The following SETD2 variants were observed in gnomAD, a reference collection of about 807,000 sequenced individuals.
The protein encoded by SETD2 is histone-lysine N-methyltransferase SETD2.
Under a neutral mutation model 242.1 loss-of-function variants are expected in SETD2, and 31 were observed. That is an observed-to-expected ratio of 0.13 (90% CI 0.10 to 0.17). The LOEUF (loss-of-function observed/expected upper bound fraction) is 0.17. SETD2 is among the 10% of genes least tolerant of loss of function. SETD2 has a pLI of 1.00. For missense variants in SETD2, 2,481 were observed against 3,046.3 expected (o/e 0.81, Z 4.37); for synonymous variants, 1,006 against 1,066.5 (o/e 0.94, Z 1.11).
intron 3 of SETD2, among the ~76,000 whole-genome samples, chr3:47,118,700 C>T (rs1413525823): frequency 6.6e-6 from 1 of 151,648 alleles, no homozygotes; most frequent in South Asian, 2.1e-4. Flanking sequence ...TATATAAATC[C>T]TTCCCACTGC....
At position 47,037,282 on chromosome 3, in the gene SETD2, C is replaced by T. The variant is rs553060575; in HGVS notation, c.7350+384G>A. On this transcript the variant is annotated intron_variant, in intron 18 of 20. Coordinates refer to ENST00000409792, the MANE Select transcript of SETD2 (RefSeq NM_014159.7). ...TCTCCTAATGCTATCCCTCCCCCCT[C>T]CCCCCCACCCCACAACAGTCCCCAG... Among the ~76,000 whole-genome samples the T allele has an allele frequency of 1.6e-3, 164 of 104,666 alleles. 2 individuals carry two copies. Among genetic ancestry groups the T allele is most frequent in the African/African-American group, 5.0e-3 (147 of 29,690 alleles). The allele number at this position is 104,666 out of a possible 152,430, so 68.7% of individuals were successfully genotyped here.
intron 15 of SETD2, among the ~76,000 whole-genome samples, chr3:47,054,378 A>C (rs554711884): frequency 6.6e-6 from 1 of 152,298 alleles, no homozygotes; most frequent in South Asian, 2.1e-4. Context: ...TCTTTAATGG[A>C]TATCTTTCAT....
chr3:47,022,193 TCACACACACACACACACA>T (rs55972218), intron 18 of SETD2, among the ~76,000 whole-genome samples: 9 of 130,948 alleles, frequency 6.9e-5, no homozygotes, highest in African/African-American at 8.8e-5. Context: ...CAACAATCTG[TCACACACACACACACACA>T]CACACACACA....
rs2107638889 is a variant in SETD2, at chr3:47,083,981, CAGCTGTTGTGGGAGT to C, written c.5784_5798del (p.Leu1929_Leu1933del). 2 of 1,614,142 alleles carry C rather than the reference CAGCTGTTGTGGGAGT, an allele frequency of 1.2e-6. No homozygotes were observed. The highest frequency in any genetic ancestry group is 1.7e-6 in the Non-Finnish European group (2 of 1,180,030). ...TTTCACTATCAACTTTGCATTCAGG[CAGCTGTTGTGGGAGT>C]AGCTGTTGTGACTGCAATTCTTCCT... On this transcript the variant is annotated inframe_deletion, in exon 12 of 21. Transcript: ENST00000409792.
chr3:47,126,505 A>G (rs1318465591), intron 2 of SETD2, 143 bp downstream of exon 2: 3 of 491,696 alleles, frequency 6.1e-6, no homozygotes, highest in Non-Finnish European at 7.2e-6. Flanking sequence ...CCATGGCTCT[A>G]AAAACAAAAT....
chr3:47,087,867 G>T (rs535950162), intron 10 of SETD2, among the ~76,000 whole-genome samples: 1 of 84,336 alleles, frequency 1.2e-5, no homozygotes, highest in South Asian at 3.5e-4. Context: ...TACTCAGGAC[G>T]CTGAGGCAGA....
At chr3:47,031,415 C>T (rs990520174) in intron 18 of SETD2, among the ~76,000 whole-genome samples, 3 of 152,140 alleles carry the variant, frequency 2.0e-5, no homozygotes, top group African/African-American at 7.2e-5. Flanking sequence ...CAAAACAGAA[C>T]TAAAATTGCT....
rs559843303 is a variant in SETD2 at position 47,019,875 on chromosome 3, A to C, written c.7351-35T>G. On this transcript the variant is annotated intron_variant, in intron 18 of 20. Transcript: ENST00000409792. ...GAGGAGAAAACACAGTGGTGCTGGCATGAGAAGTCAGTTTAGTGATGCCCT... is the reference window on the plus strand; with the variant it reads ...GAGGAGAAAACACAGTGGTGCTGGCCTGAGAAGTCAGTTTAGTGATGCCCT... 3.2e-6 allele frequency: 5 copies of C among 1,575,160 alleles called. No individual in the cohort carries two copies. The South Asian group carries it at 4.4e-5, about 14-fold the overall frequency.
intron 12 of SETD2, among the ~76,000 whole-genome samples, chr3:47,072,067 G>C (rs1220471220): frequency 6.6e-6 from 1 of 152,124 alleles, no homozygotes; most frequent in African/African-American, 2.4e-5. Flanking sequence ...CCAGCACTTT[G>C]GGAGGCCGAG....
intron 9 of SETD2, among the ~76,000 whole-genome samples, chr3:47,089,508 A>T (rs2041707766): frequency 6.6e-6 from 1 of 152,232 alleles, no homozygotes; most frequent in African/African-American, 2.4e-5. Context: ...GGTAGGGAGA[A>T]GGAAGCAGAG....
chr3:47,074,173 T>C (rs1426352223), intron 12 of SETD2, among the ~76,000 whole-genome samples: 1 of 152,196 alleles, frequency 6.6e-6, no homozygotes, highest in Non-Finnish European at 1.5e-5. Flanking sequence ...TGATATCAAG[T>C]AATCTTCACA....
intron 14 of SETD2, among the ~76,000 whole-genome samples, chr3:47,058,476 A>C (rs1245122200): frequency 7.3e-6 from 1 of 136,068 alleles, no homozygotes; most frequent in Non-Finnish European, 1.6e-5. Flanking sequence ...ACAAAGAGGG[A>C]GAATATTCAC....
rs746404627 is a variant in SETD2 at position 47,057,170 on chromosome 3, T to C, written c.6614A>G (p.His2205Arg). Reference protein sequence around the residue: ...DPVCSPAPYDHAQPLVGHSTE... With the variant: ...DPVCSPAPYDRAQPLVGHSTE... ...AGAATGTCCCACCAAGGGCTGAGCA[T>C]GATCATAAGGAGCAGGAGAACACAC... The change falls in exon 15 of 21, where the codon CAT becomes CGT. Residue 2205 changes from histidine (H) to arginine (R), a missense_variant. Transcript: ENST00000409792. 1.6e-5 allele frequency: 26 copies of C among 1,614,022 alleles called. No homozygotes were observed. The highest frequency in any genetic ancestry group is 5.0e-5 in the Admixed American group (3 of 59,986).
At chr3:47,044,344 C>CAAAAAAAAAAAAAAAAAAAAAAA (rs59408277) in intron 16 of SETD2, among the ~76,000 whole-genome samples, 5 of 33,948 alleles carry the variant, frequency 1.5e-4, no homozygotes, top group African/African-American at 5.7e-4. Context: ...GACTTCATCT[C>CAAAAAAAAAAAAAAAAAAAAAAA]AAAAAAAAAA....
rs551388895 is a variant in SETD2 at position 47,158,442 on chromosome 3, A to G, written c.71+5412T>C. On this transcript the variant is annotated intron_variant, in intron 1 of 20. Transcript: ENST00000409792. The stretch of plus-strand genomic sequence containing the variant: ...CTCTGTCACTCAAGACAGCAAGACT[A>G]AAACCCCCTCCTCTTCTTCCTCCTC... Among the ~76,000 whole-genome samples the G allele has an allele frequency of 1.1e-4, 17 of 152,276 alleles. 1 individual carries two copies. In the South Asian group the frequency reaches 3.3e-3, roughly 30 times the overall value.
intron 9 of SETD2, among the ~76,000 whole-genome samples, chr3:47,092,125 A>T (rs1361867376): frequency 6.6e-6 from 1 of 152,210 alleles, no homozygotes; most frequent in Non-Finnish European, 1.5e-5. Flanking sequence ...AAACCGTAAA[A>T]ATGCAGAAAC....
At chr3:47,077,109 G>C (rs1450948241) in intron 12 of SETD2, among the ~76,000 whole-genome samples, 1 of 152,208 alleles carries the variant, frequency 6.6e-6, no homozygotes, top group Non-Finnish European at 1.5e-5. Context: ...TTTCGAGACA[G>C]AATCTCGCTG....
intron 12 of SETD2, among the ~76,000 whole-genome samples, chr3:47,075,564 C>CAA (rs55635941): frequency 1.3e-3 from 98 of 76,176 alleles, no homozygotes; most frequent in Middle Eastern, 7.5e-3. Flanking sequence ...AACTCCGTCT[C>CAA]AAAAAAAAAA....
rs941392264 is a variant in SETD2, at chr3:47,057,110, A to G, written c.6674T>C (p.Val2225Ala). 3.1e-6 allele frequency: 5 copies of G among 1,614,104 alleles called. No individual in the cohort carries two copies. The highest frequency in any genetic ancestry group is 4.2e-6 in the Non-Finnish European group (5 of 1,180,028). Residue 2225 changes from valine to alanine, a missense_variant, in exon 15 of 21, where the codon GTG becomes GCG. Coordinates refer to ENST00000409792, the MANE Select transcript of SETD2 (RefSeq NM_014159.7). ...CACAGGAGCTGCCACATGTGGCACC[A>G]CTGGTACTGGTGGAGGGGCAGAAAG... ...EPLSAPPPVPVVPHVAAPVEV... is the reference protein window; with the variant it reads ...EPLSAPPPVPAVPHVAAPVEV...
Sources: allele counts gnomAD v4.1 joint callset (sites outside exome capture counted in the v4.1 genomes callset), GRCh38; gene constraint gnomAD v4.1.1; transcripts MANE v1.5; gene names NCBI Gene and HGNC (gene_info 2026-07-23, HGNC 2026-07-21).